The following SYNE1 variants were observed in gnomAD, a reference collection of about 807,000 sequenced individuals.
The protein encoded by SYNE1 is nesprin-1.
Under a neutral mutation model 1,111.0 loss-of-function variants are expected in SYNE1, and 616 were observed. That is an observed-to-expected ratio of 0.55 (90% CI 0.52 to 0.59). The LOEUF (loss-of-function observed/expected upper bound fraction) is 0.59. Ranked by LOEUF, SYNE1 falls within the 20% of genes least tolerant of loss-of-function variation. The pLI, the probability that SYNE1 is intolerant of heterozygous loss-of-function variation, is 0.00. For synonymous variants in SYNE1, 3,855 were observed against 3,825.8 expected, an observed-to-expected ratio of 1.01 and a Z score of -0.28; for missense variants, 10,006 against 10,417.0, an observed-to-expected ratio of 0.96 and a Z score of 1.72.
intron 127 of SYNE1, among the ~76,000 whole-genome samples, chr6:152,196,265 C>G (rs1208329170): frequency 1.3e-5 from 2 of 152,112 alleles, no homozygotes; most frequent in African/African-American, 4.8e-5. Context: ...CTTTGGTGCT[C>G]TTTCCTGTTG....
intron 40 of SYNE1, among the ~76,000 whole-genome samples, chr6:152,417,530 C>T (rs1237264675): frequency 7.4e-6 from 1 of 135,996 alleles, no homozygotes. Flanking sequence ...ACAAACACAA[C>T]TCTGTTTTGG....
intron 100 of SYNE1, 152 bp from the exon 101 acceptor site, chr6:152,262,340 C>G: frequency 1.4e-6 from 1 of 728,146 alleles, no homozygotes; most frequent in African/African-American, 1.8e-5. Context: ...AATGTTTAGG[C>G]CAATCATAAA....
At chr6:152,264,860 GA>G (rs1230485047) in intron 100 of SYNE1, among the ~76,000 whole-genome samples, 1 of 151,968 alleles carries the variant, frequency 6.6e-6, no homozygotes, top group Non-Finnish European at 1.5e-5. Context: ...ATATAATGCA[GA>G]GAATCTTTCC....
chr6:152,178,769 T>C (rs1448716843), intron 129 of SYNE1, among the ~76,000 whole-genome samples: 4 of 152,158 alleles, frequency 2.6e-5, no homozygotes, highest in South Asian at 2.1e-4. Flanking sequence ...GGGTCTCCAT[T>C]TGGACAATGA....
intron 104 of SYNE1, among the ~76,000 whole-genome samples, chr6:152,252,283 TTAAATAAA>T (rs34950680): frequency 1.1e-4 from 17 of 151,408 alleles, no homozygotes; most frequent in Non-Finnish European, 1.5e-4. Flanking sequence ...AATAAATAAA[TTAAATAAA>T]TAAATAAATA....
intron 121 of SYNE1, among the ~76,000 whole-genome samples, chr6:152,217,395 CA>C (rs926437470): frequency 2.5e-3 from 103 of 41,212 alleles, no homozygotes; most frequent in Non-Finnish European, 3.1e-3. Context: ...GACTCCGTCA[CA>C]AAAAAAAAAA....
chr6:152,372,924 G>T, intron 59 of SYNE1, 113 bp downstream of exon 59: 1 of 1,164,734 alleles, frequency 8.6e-7, no homozygotes. Flanking sequence ...TTCTGAGAGG[G>T]GTAACCAAAA....
chr6:152,539,971 G>A lies in SYNE1; in HGVS notation c.118C>T (p.His40Tyr), dbSNP rs141719907. The A allele has an allele frequency of 3.7e-5, 60 of 1,613,780 alleles. No homozygotes were observed. Among genetic ancestry groups the A allele is most frequent in the Middle Eastern group, 1.6e-4 (1 of 6,080 alleles). Residue 40 changes from histidine to tyrosine, a missense_variant, in exon 4 of 146, where the codon CAT becomes TAT. Physicochemically the swap from His to Tyr is moderately conservative, Grantham distance 83. Transcript: ENST00000367255. ...GTAGTTTCCTTTACCTTGGCCAGAT[G>A]AGAGTTGATCCATTTTGTGAAAGTT... ...KRTFTKWINS[H>Y]LAKRKPPMVV...
In SYNE1 at chr6:152,515,024, C is replaced by G. The variant is rs148150855; in HGVS notation, c.310-3921G>C. 3.8e-3 allele frequency among the ~76,000 whole-genome samples: 578 copies of G among 152,144 alleles called. 2 individuals carry two copies. The highest frequency in any genetic ancestry group is 5.4e-3 in the Non-Finnish European group (368 of 67,992). Reference sequence around the variant, plus strand: ...ATAGCTTGAGGTCGGGAGTTCGAGACCAGCCTGGCCAATGTGGTGAAACTC... The same window carrying G: ...ATAGCTTGAGGTCGGGAGTTCGAGAGCAGCCTGGCCAATGTGGTGAAACTC... On this transcript the variant is annotated intron_variant, in intron 6 of 145. Coordinates refer to ENST00000367255, the MANE Select transcript of SYNE1 (RefSeq NM_182961.4).
At chr6:152,351,929 C>T in intron 70 of SYNE1, 98 bp downstream of exon 70, 1 of 1,120,076 alleles carries the variant, frequency 8.9e-7, no homozygotes, top group Non-Finnish European at 1.3e-6. Flanking sequence ...GGATGCATTC[C>T]AGCAGCTGTT....
In SYNE1 at chr6:152,233,839, T is replaced by C. The variant is rs1288309828; in HGVS notation, c.20654A>G (p.Asp6885Gly). 1.2e-6 allele frequency: 2 copies of C among 1,614,096 alleles called. No individual in the cohort carries two copies. Among genetic ancestry groups the C allele is most frequent in the African/African-American group, 2.7e-5 (2 of 74,930 alleles). ...GGTTAGCAGGTCAGTCCACTGGCTA[T>C]CAATGCGCGACAGCTCAGAGCGCAG... ...ATLRSELSRI[D>G]SQWTDLLTNI... The change falls in exon 112 of 146, where the codon GAT (aspartate) becomes GGT (glycine). Residue 6885 changes from aspartate to glycine, a missense_variant. By Grantham distance (94) the Asp-to-Gly change is moderately conservative (BLOSUM62 -1). Around this residue, in one of 7 missense-constraint regions of SYNE1, gnomAD observed 2,182 missense variants for 2,287.8 expected, o/e 0.95. Transcript: ENST00000367255.
At chr6:152,224,789 C>T in intron 116 of SYNE1, 125 bp from the exon 117 acceptor site, 1 of 1,002,488 alleles carries the variant, frequency 1.0e-6, no homozygotes, top group East Asian at 2.6e-5. Flanking sequence ...CATAAACAAA[C>T]AAAACTAAAA....
At chr6:152,473,722 G>T (rs2098819626) in intron 14 of SYNE1, among the ~76,000 whole-genome samples, 1 of 151,456 alleles carries the variant, frequency 6.6e-6, no homozygotes, top group Non-Finnish European at 1.5e-5. Flanking sequence ...ACCACACACA[G>T]ACACATTACT....
chr6:152,189,431 T>G (rs906123997), intron 127 of SYNE1, 24 bp from the exon 128 acceptor site: 1 of 1,612,522 alleles, frequency 6.2e-7, no homozygotes, highest in Non-Finnish European at 8.5e-7. Context: ...CAAACTTGAA[T>G]ACCCACGGAC....
At chr6:152,596,273 T>TG (rs1221062549) in intron 3 of SYNE1, among the ~76,000 whole-genome samples, 5 of 146,668 alleles carry the variant, frequency 3.4e-5, no homozygotes, top group Non-Finnish European at 3.0e-5. Flanking sequence ...TTTGTTTGTT[T>TG]TTTTTTTTTT....
chr6:152,401,381 CAGA>C (rs2097814734), intron 46 of SYNE1, 40 bp from the exon 47 acceptor site: 1 of 1,573,572 alleles, frequency 6.4e-7, no homozygotes, highest in African/African-American at 1.3e-5. Context: ...CTCTGAAGAC[CAGA>C]AGAATACTCA....
intron 135 of SYNE1, 151 bp from the exon 136 acceptor site, chr6:152,149,819 C>A: frequency 1.4e-6 from 1 of 702,602 alleles, no homozygotes; most frequent in Non-Finnish European, 2.4e-6. Flanking sequence ...GAGTCTATTA[C>A]CTTCTAAAGT....
At chr6:152,243,334 C>A (rs1270877200) in intron 106 of SYNE1, among the ~76,000 whole-genome samples, 1 of 152,124 alleles carries the variant, frequency 6.6e-6, no homozygotes, top group Non-Finnish European at 1.5e-5. Flanking sequence ...TTAATGTGAG[C>A]AGAAAGAGTT....
chr6:152,615,001 G>A (rs2099641826), intron 3 of SYNE1, among the ~76,000 whole-genome samples: 1 of 152,126 alleles, frequency 6.6e-6, no homozygotes, highest in Non-Finnish European at 1.5e-5. Context: ...GGCTGGAGGA[G>A]GGATAGCATT....
Sources: allele counts gnomAD v4.1 joint callset (sites outside exome capture counted in the v4.1 genomes callset), GRCh38; gene constraint gnomAD v4.1.1; regional missense constraint gnomAD v4.1.1; transcripts MANE v1.5; gene names NCBI Gene and HGNC (gene_info 2026-07-23, HGNC 2026-07-21).